Variants in CYP26B1 observed in about 807,000 individuals in gnomAD.
CYP26B1 encodes cytochrome P450 family 26 subfamily B member 1.
A neutral mutation model predicts 39.1 loss-of-function variants in CYP26B1; 8 were observed. The ratio of observed to expected loss-of-function variants is 0.20; its 90% confidence interval spans 0.12 to 0.37. The LOEUF (loss-of-function observed/expected upper bound fraction) is 0.37. Ranked by LOEUF, CYP26B1 falls within the 10% of genes least tolerant of loss-of-function variation. The pLI is 1.00. For synonymous variants in CYP26B1, 321 were observed against 314.3 expected, an observed-to-expected ratio of 1.02 and a Z score of -0.23; for missense variants, 615 against 707.0, an observed-to-expected ratio of 0.87 and a Z score of 1.48.
intron 2 of CYP26B1, among the ~76,000 whole-genome samples, chr2:72,135,749 G>A (rs539288661): frequency 6.6e-6 from 1 of 152,276 alleles, no homozygotes; most frequent in South Asian, 2.1e-4. Context: ...GAAGGCCATC[G>A]AGGGAAAGCT....
intron 2 of CYP26B1, among the ~76,000 whole-genome samples, chr2:72,136,756 T>C (rs567754216): frequency 3.6e-4 from 54 of 151,724 alleles, no homozygotes; most frequent in African/African-American, 9.7e-4. Context: ...CTTCAGAGAG[T>C]GATGGATAAA....
intron 2 of CYP26B1, among the ~76,000 whole-genome samples, chr2:72,135,721 C>T (rs773246360): frequency 1.1e-4 from 16 of 152,166 alleles, no homozygotes; most frequent in Non-Finnish European, 2.1e-4. Flanking sequence ...AGTCGTTGGA[C>T]TGTACAGGGA....
intron 1 of CYP26B1, among the ~76,000 whole-genome samples, chr2:72,145,843 A>T (rs1280323703): frequency 1.3e-5 from 2 of 152,114 alleles, no homozygotes; most frequent in Non-Finnish European, 2.9e-5. Flanking sequence ...CCGCGAGTCC[A>T]ATTTATACAA....
chr2:72,146,300 C>A (rs965547839), intron 1 of CYP26B1, among the ~76,000 whole-genome samples: 1 of 138,438 alleles, frequency 7.2e-6, no homozygotes, highest in African/African-American at 2.7e-5. Context: ...CCTAGAGCAC[C>A]GCTGCAGTTG....
intron 2 of CYP26B1, among the ~76,000 whole-genome samples, chr2:72,139,293 A>G (rs1331190447): frequency 6.6e-6 from 1 of 152,198 alleles, no homozygotes; most frequent in Non-Finnish European, 1.5e-5. Context: ...AGCCGTCCGC[A>G]CAGGGGTGAC....
intron 3 of CYP26B1, 96 bp from the exon 4 acceptor site, chr2:72,135,012 C>A: frequency 6.2e-7 from 1 of 1,600,344 alleles, no homozygotes; most frequent in Non-Finnish European, 8.5e-7. Flanking sequence ...CTACCCCACG[C>A]TGACACCTCT....
chr2:72,142,668 G>A (rs550148937), intron 2 of CYP26B1, among the ~76,000 whole-genome samples: 1 of 152,258 alleles, frequency 6.6e-6, no homozygotes, highest in East Asian at 1.9e-4. Context: ...AAGGCTGAGG[G>A]AAAAATAAGT....
rs1167035197 is a variant in CYP26B1 at position 72,133,428 on chromosome 2, A to G, written c.862-121T>C. ...GTGCTGGGCCCTGCCTGGTTCCTGC[A>G]GTGAATTCTGCTTCCTCTGAGCTTC... is the stretch of plus-strand genomic sequence containing the variant. On this transcript the variant is annotated intron_variant, in intron 4 of 5. Coordinates refer to ENST00000001146, the MANE Select transcript of CYP26B1 (RefSeq NM_019885.4). 2.3e-6 allele frequency: 3 copies of G among 1,291,950 alleles called. No homozygotes were observed. The Admixed American group carries it at 5.9e-5, about 26-fold the overall frequency. 80.0% of individuals were successfully genotyped at this position (1,291,950 alleles called of 1,614,324 possible). A position where few individuals can be genotyped will look rare whatever the true frequency, so the allele number is the denominator to read the frequency against.
intron 1 of CYP26B1, among the ~76,000 whole-genome samples, chr2:72,146,711 C>G (rs945647604): frequency 5.3e-5 from 8 of 152,218 alleles, no homozygotes; most frequent in Non-Finnish European, 1.2e-4. Flanking sequence ...ACAAATACAC[C>G]TCCCGCAGTT....
At position 72,132,253 on chromosome 2, in the gene CYP26B1, C is replaced by CCGTCGG. The variant is rs1676605539; in HGVS notation, c.1512_1513insCCGACG (p.Thr504_Glu505insProThr). 6.2e-7 allele frequency: 1 copy of CCGTCGG among 1,603,706 alleles called. No individual in the cohort carries two copies. The highest frequency in any genetic ancestry group is 8.5e-7 in the Non-Finnish European group (1 of 1,175,490). On this transcript the variant is annotated inframe_insertion, in exon 6 of 6. Coordinates refer to ENST00000001146, the MANE Select transcript of CYP26B1 (RefSeq NM_019885.4). ...TAGACTGTGGCGCTCAGCATGGCCT[C>CCGTCGG]CGTCTCCGGCAGGATCTCGTTCTGG...
At chr2:72,144,600 C>G in intron 1 of CYP26B1, 1 of 678,096 alleles carries the variant, frequency 1.5e-6, no homozygotes, top group Non-Finnish European at 1.8e-6. Context: ...GGGCCACGGG[C>G]TGGCGAGACC....
chr2:72,133,396 G>C, intron 4 of CYP26B1, 89 bp from the exon 5 acceptor site: 1 of 1,494,638 alleles, frequency 6.7e-7, no homozygotes, highest in South Asian at 1.2e-5. Flanking sequence ...GTGTGCCCAG[G>C]TCATCTGTGC....
intron 1 of CYP26B1, among the ~76,000 whole-genome samples, chr2:72,146,638 A>G (rs925928495): frequency 6.6e-6 from 1 of 152,204 alleles, no homozygotes; most frequent in Admixed American, 6.5e-5. Flanking sequence ...TCACCTCTCT[A>G]GTGCGGGGAT....
chr2:72,143,371 C>G (rs1240492908), intron 2 of CYP26B1, among the ~76,000 whole-genome samples: 3 of 143,466 alleles, frequency 2.1e-5, no homozygotes, highest in African/African-American at 8.5e-5. Flanking sequence ...CTTCCTCTTT[C>G]GGGGGGGGGT....
intron 2 of CYP26B1, among the ~76,000 whole-genome samples, chr2:72,141,558 G>C (rs10197528): frequency 0.14 from 21,116 of 152,246 alleles, 3,749 homozygotes; most frequent in African/African-American, 0.42. Flanking sequence ...AACCAGGCCA[G>C]TCCTGGCCCA....
At chr2:72,135,837 G>C (rs1451111907) in intron 2 of CYP26B1, among the ~76,000 whole-genome samples, 3 of 152,176 alleles carry the variant, frequency 2.0e-5, no homozygotes, top group Non-Finnish European at 4.4e-5. Flanking sequence ...GTCATTACTT[G>C]CTGGAAAACA....
Position 72,132,366 on chromosome 2 carries a change from G to T in CYP26B1, c.1400C>A (p.Ala467Asp). 1 of 1,611,580 alleles carries T rather than the reference G, an allele frequency of 6.2e-7. No homozygotes were observed. Among genetic ancestry groups the T allele is most frequent in the South Asian group, 1.1e-5 (1 of 90,908 alleles). ...ELASTSRFELATRTFPRITLV... is the reference protein window; with the variant it reads ...ELASTSRFELDTRTFPRITLV... ...GGTGATGCGGGGGAAGGTCCGTGTG[G>T]CCAGCTCAAAGCGGCTGGTGCTAGC... is the stretch of plus-strand genomic sequence containing the variant. The change falls in exon 6 of 6, where the codon GCC becomes GAC. Residue 467 changes from alanine (A) to aspartate (D), a missense_variant. Coordinates refer to ENST00000001146, the MANE Select transcript of CYP26B1 (RefSeq NM_019885.4).
In CYP26B1 at chr2:72,130,833, G is replaced by A. The variant is rs988960888; in HGVS notation, c.*1394C>T. 1 of 152,158 alleles carries A rather than the reference G, an allele frequency of 6.6e-6. No individual in the cohort carries two copies. The highest frequency in any genetic ancestry group is 1.5e-5 in the Non-Finnish European group (1 of 68,036). 9.4% of individuals were successfully genotyped at this position (152,158 alleles called of 1,614,324 possible). A position where few individuals can be genotyped will look rare whatever the true frequency, so the allele number is the denominator to read the frequency against. On this transcript the variant is annotated 3_prime_UTR_variant, in exon 6 of 6. Transcript: ENST00000001146. ...CGCCTCTTCAGCTTCAGCTGCGGCA[G>A]CCTTCCCGCAGCTGTCCGGAGACCA...
At chr2:72,144,495 A>C in intron 1 of CYP26B1, 2 of 1,203,124 alleles carry the variant, frequency 1.7e-6, no homozygotes, top group Non-Finnish European at 2.1e-6. Context: ...TATCCCGGAC[A>C]GCTGGACCCG....
Sources: allele counts gnomAD v4.1 joint callset (sites outside exome capture counted in the v4.1 genomes callset), GRCh38; gene constraint gnomAD v4.1.1; transcripts MANE v1.5; gene names NCBI Gene and HGNC (gene_info 2026-07-23, HGNC 2026-07-21).